The following NPC1 variants were observed in gnomAD, a reference collection of about 807,000 sequenced individuals.
NPC1 encodes NPC intracellular cholesterol transporter 1, also known as Niemann-Pick C1 protein.
NPC1 carries 85 observed loss-of-function variants against 140.4 expected under a neutral mutation model. The ratio of observed to expected loss-of-function variants is 0.61; its 90% CI spans 0.51 to 0.72. NPC1 has a LOEUF of 0.72. Ranked by LOEUF, NPC1 falls within the 30% of genes least tolerant of loss-of-function variation. The pLI, the probability that NPC1 is intolerant of heterozygous loss-of-function variation, is 0.00. For missense variants in NPC1, 1,504 were observed against 1,623.8 expected, an observed-to-expected ratio of 0.93 and a Z score of 1.27; for synonymous variants, 656 against 624.8, an observed-to-expected ratio of 1.05 and a Z score of -0.74.
chr18:23,572,251 T>A, intron 2 of NPC1, 71 bp from the exon 3 acceptor site: 1 of 963,404 alleles, frequency 1.0e-6, no homozygotes, highest in Non-Finnish European at 1.7e-6. Flanking sequence ...CTCAGTGAAC[T>A]AAGACACATT....
chr18:23,548,562 A>C (rs2058822333), intron 10 of NPC1, among the ~76,000 whole-genome samples: 1 of 152,168 alleles, frequency 6.6e-6, no homozygotes. Context: ...CACAAACAGT[A>C]AAATACTATT....
chr18:23,578,435 G>C (rs2059318235), intron 1 of NPC1, among the ~76,000 whole-genome samples: 1 of 152,204 alleles, frequency 6.6e-6, no homozygotes, highest in African/African-American at 2.4e-5. Context: ...CCGTGTGCAA[G>C]AGCACGAGCA....
chr18:23,517,392 CCCT>C (rs1334221220), downstream of NPC1, among the ~76,000 whole-genome samples: 4 of 152,176 alleles, frequency 2.6e-5, no homozygotes, highest in East Asian at 1.9e-4. Flanking sequence ...TCTTGATCTG[CCCT>C]CCTCAGCCTC....
chr18:23,533,172 C>T (rs2058565501), intron 24 of NPC1, 183 bp downstream of exon 24: 3 of 720,134 alleles, frequency 4.2e-6, no homozygotes, highest in African/African-American at 3.6e-5. Flanking sequence ...AAGTAGTCTG[C>T]ACCATCATGA....
At position 23,543,511 on chromosome 18, in the gene NPC1, TCTC is replaced by T; in HGVS notation, c.2186_2188del (p.Gly729del). ...TGACAGGAACATACTGGGAGCCACTTCTCCTAGGACCCTGCCCAGCTGCTGATC... is the reference window on the plus strand; with the variant it reads ...TGACAGGAACATACTGGGAGCCACTTCTAGGACCCTGCCCAGCTGCTGATC... On this transcript the variant is annotated inframe_deletion, in exon 14 of 25. Transcript: ENST00000269228. 2 of 1,612,484 alleles carry T rather than the reference TCTC, an allele frequency of 1.2e-6. No homozygotes were observed. Among genetic ancestry groups the T allele is most frequent in the Non-Finnish European group, 1.7e-6 (2 of 1,179,474 alleles).
At chr18:23,583,083 G>C (rs946489403) in intron 1 of NPC1, among the ~76,000 whole-genome samples, 14 of 148,900 alleles carry the variant, frequency 9.4e-5, no homozygotes, top group African/African-American at 3.5e-4. Flanking sequence ...CTTCAGCCTG[G>C]GGGACAGTGC....
At chr18:23,519,243 C>T (rs557283866), downstream of NPC1, 21 of 1,337,176 alleles carry the variant, frequency 1.6e-5, no homozygotes, top group African/African-American at 3.0e-4. Context: ...GGTGGCTGGG[C>T]ACGGTGGATC....
intron 13 of NPC1, 21 bp from the exon 14 acceptor site, chr18:23,543,590 ATT>A: frequency 2.1e-5 from 23 of 1,092,942 alleles, no homozygotes; most frequent in Non-Finnish European, 3.1e-5. Context: ...AAAAAAAAAA[ATT>A]ATGCGACATT....
At chr18:23,563,581 CCAGCT>C (rs1483584684) in intron 4 of NPC1, among the ~76,000 whole-genome samples, 1 of 152,078 alleles carries the variant, frequency 6.6e-6, no homozygotes, top group African/African-American at 2.4e-5. Flanking sequence ...ACCACCATAC[CCAGCT>C]AAGTTTTTGT....
intron 1 of NPC1, chr18:23,524,190 G>A (rs1487960647): frequency 6.2e-7 from 1 of 1,612,776 alleles, no homozygotes; most frequent in South Asian, 1.1e-5. Context: ...CTTTACTAAG[G>A]TGTGGCACCG....
intron 3 of NPC1, among the ~76,000 whole-genome samples, chr18:23,510,029 AAAAAG>A (rs2057810976): frequency 1.3e-5 from 2 of 150,772 alleles, no homozygotes; most frequent in South Asian, 2.1e-4. Flanking sequence ...TAAAAAAAAA[AAAAAG>A]AAAAGAAAAA....
chr18:23,529,002 C>T (rs2058395929), downstream of NPC1: 1 of 1,005,538 alleles, frequency 9.9e-7, no homozygotes, highest in Non-Finnish European at 1.4e-6. Flanking sequence ...GCCTCAGCCT[C>T]CTGAGTAGCT....
rs1164385418 is a variant in NPC1, at chr18:23,585,440, CCT to C, written c.57+845_57+846del. On this transcript the variant is annotated intron_variant, in intron 1 of 24. Transcript: ENST00000269228. ...TTCTAGTCCACGGAACCCCCTCTCCCCTGATTCACCACTTCCTATTGACGCCA... is the reference window on the plus strand; with the variant it reads ...TTCTAGTCCACGGAACCCCCTCTCCCGATTCACCACTTCCTATTGACGCCA... 2.6e-5 allele frequency among the ~76,000 whole-genome samples: 4 copies of C among 152,276 alleles called. No individual in the cohort carries two copies. In the South Asian group the frequency reaches 6.2e-4, roughly 24 times the overall value.
At chr18:23,508,316 G>A (rs775113181) in intron 3 of NPC1, among the ~76,000 whole-genome samples, 5 of 152,180 alleles carry the variant, frequency 3.3e-5, no homozygotes, top group Non-Finnish European at 7.3e-5. Context: ...CGTCTGTCTT[G>A]CCCTTTTTCT....
In NPC1 at chr18:23,506,892, G is replaced by A. The variant is rs890898782; in HGVS notation, c.432-250C>T. The A allele has an allele frequency of 1.3e-5, 13 of 996,006 alleles. No homozygotes were observed. In the African/African-American group the frequency reaches 1.8e-4, roughly 14 times the overall value. 61.7% of individuals were successfully genotyped at this position (996,006 alleles called of 1,614,324 possible). On this transcript the variant is annotated intron_variant, in intron 3 of 3. Transcript: ENST00000591107. ...ATTTGCTGCCTCCTGAATATAGATT[G>A]TGTCTTTTGCCTTTTCAATAAATGG...
At chr18:23,524,530 CT>C, downstream of NPC1, 1 of 1,585,860 alleles carries the variant, frequency 6.3e-7, no homozygotes, top group Non-Finnish European at 8.7e-7. Flanking sequence ...TGCTTGTTGA[CT>C]TTGGATCCCA....
chr18:23,576,529 A>T, intron 1 of NPC1: 2 of 1,004,998 alleles, frequency 2.0e-6, no homozygotes, highest in Non-Finnish European at 2.4e-6. Context: ...AATGCTCTTC[A>T]CATTGTGTCC....
intron 23 of NPC1, chr18:23,534,120 CCA>C: frequency 2.1e-6 from 1 of 484,024 alleles, no homozygotes; most frequent in Non-Finnish European, 3.8e-6. Context: ...AGACGACTCT[CCA>C]GGCACCAACC....
chr18:23,565,091 G>A (rs1434865508), intron 4 of NPC1, among the ~76,000 whole-genome samples: 1 of 152,194 alleles, frequency 6.6e-6, no homozygotes, highest in Non-Finnish European at 1.5e-5. Context: ...ACTGAGAAGT[G>A]TGAGTCTTCC....
Sources: gnomAD v4.1 joint callset for allele counts (sites outside exome capture counted in the v4.1 genomes callset) on GRCh38, gnomAD v4.1.1 for gene constraint, MANE v1.5 for transcripts, NCBI Gene and HGNC (gene_info 2026-07-23, HGNC 2026-07-21) for gene names.